The following ABCG8 variants were observed in gnomAD, a reference collection of about 807,000 sequenced individuals.
ABCG8 encodes the protein ATP-binding cassette sub-family G member 8.
Under a neutral mutation model 71.3 loss-of-function variants are expected in ABCG8, and 81 were observed. The ratio of observed to expected loss-of-function variants is 1.14; its 90% CI spans 0.95 to 1.37. The LOEUF is 1.37. ABCG8 is among the 40% of genes most tolerant of loss of function. ABCG8 has a pLI of 0.00. For synonymous variants in ABCG8, 451 were observed against 354.7 expected, an observed-to-expected ratio of 1.27 and a Z score of -3.05; for missense variants, 1,119 against 866.2, an observed-to-expected ratio of 1.29 and a Z score of -3.66.
intron 1 of ABCG8, among the ~76,000 whole-genome samples, chr2:43,840,986 G>T (rs1400281586): frequency 1.3e-5 from 2 of 152,256 alleles, no homozygotes; most frequent in African/African-American, 4.8e-5. Flanking sequence ...GGCACCTGGA[G>T]TGGCAAGTGC....
At position 43,851,569 on chromosome 2, in the gene ABCG8, C is replaced by G. The variant is rs1286191669; in HGVS notation, c.323-15C>G. 6.2e-7 allele frequency: 1 copy of G among 1,614,068 alleles called. No homozygotes were observed. ...AGAAGCTCCGCTCTCAGGGATATCC[C>G]TGGTGGCTTTGCAGGTTGTGGGAGA... On this transcript the variant is annotated splice_polypyrimidine_tract_variant and intron_variant, in intron 3 of 12. Transcript: ENST00000272286.
At chr2:43,840,909 G>A (rs1668564573) in intron 1 of ABCG8, among the ~76,000 whole-genome samples, 1 of 152,146 alleles carries the variant, frequency 6.6e-6, no homozygotes, top group African/African-American at 2.4e-5. Context: ...GGTTGGGCCT[G>A]GGAAGAGGTG....
intron 2 of ABCG8, 148 bp downstream of exon 2, chr2:43,844,756 T>A (rs1427193224): frequency 1.5e-6 from 1 of 662,812 alleles, no homozygotes; most frequent in African/African-American, 1.8e-5. Context: ...ACGTGTCAGG[T>A]GCAATAGGTG....
In ABCG8 at chr2:43,872,219, C is replaced by A. The variant is rs781004722; in HGVS notation, c.1128-4C>A. 6 of 1,614,004 alleles carry A rather than the reference C, an allele frequency of 3.7e-6. No homozygotes were observed. The South Asian group carries it at 6.6e-5, about 18-fold the overall frequency. On this transcript the variant is annotated splice_polypyrimidine_tract_variant and splice_region_variant and intron_variant, in intron 7 of 12. Coordinates refer to ENST00000272286, the MANE Select transcript of ABCG8 (RefSeq NM_022437.3). ...ATGACCTGGCCACATCTTCTGCCTC[C>A]CAGCAGCGTGACCCCACTAGACACC...
chr2:43,842,236 C>A (rs1035484336), intron 1 of ABCG8, among the ~76,000 whole-genome samples: 6 of 152,162 alleles, frequency 3.9e-5, no homozygotes, highest in Non-Finnish European at 7.3e-5. Context: ...TGGTCTTGAA[C>A]TCCTGGCCTC....
chr2:43,875,593 C>T (rs1415896524), intron 11 of ABCG8, among the ~76,000 whole-genome samples, 180 bp downstream of exon 11: 2 of 152,232 alleles, frequency 1.3e-5, no homozygotes, highest in Non-Finnish European at 2.9e-5. Context: ...TTAGAGATTC[C>T]AGATGCACCT....
chr2:43,870,157 C>G (rs1359703449), intron 6 of ABCG8, among the ~76,000 whole-genome samples: 1 of 151,812 alleles, frequency 6.6e-6, no homozygotes, highest in African/African-American at 2.4e-5. Context: ...CACTACCTGT[C>G]TCGATAGAAT....
rs759609173 is a variant in ABCG8, at chr2:43,854,626, C to CAAAAAAAAAA, written c.964+1768_964+1777dup. Among the ~76,000 whole-genome samples, 30 of 74,728 alleles carry CAAAAAAAAAA rather than the reference C, an allele frequency of 4.0e-4. 1 individual carries two copies. The highest frequency in any genetic ancestry group is 1.5e-3 in the African/African-American group (28 of 18,430). The allele number at this position is 74,728 out of a possible 152,430, so 49.0% of individuals were successfully genotyped here. ...TGGGCGATAGAGTGAGACTCCATCTCAAAAAAAAAAAAAAAAAAAGGATAT... is the reference window on the plus strand; with the variant it reads ...TGGGCGATAGAGTGAGACTCCATCTCAAAAAAAAAAAAAAAAAAAAAAAAAAAAAGGATAT... On this transcript the variant is annotated intron_variant, in intron 6 of 12. Coordinates refer to ENST00000272286, the MANE Select transcript of ABCG8 (RefSeq NM_022437.3).
intron 2 of ABCG8, 61 bp downstream of exon 2, chr2:43,844,669 G>T (rs929023747): frequency 1.0e-5 from 14 of 1,394,816 alleles, no homozygotes; most frequent in Non-Finnish European, 1.4e-5. Flanking sequence ...GAAATTCCCC[G>T]GGTGGAAATA....
rs1461141909 is a variant in ABCG8 at position 43,852,336 on chromosome 2, G to A, written c.562-18G>A. ...AGGAGGCCCCTGAGGTGGCCTCAAA[G>A]CTCCTTCTGGCCCACAGGTGGAGGA... On this transcript the variant is annotated intron_variant, in intron 4 of 12. Coordinates refer to ENST00000272286, the MANE Select transcript of ABCG8 (RefSeq NM_022437.3). 1 of 1,612,048 alleles carries A rather than the reference G, an allele frequency of 6.2e-7. No homozygotes were observed. Among genetic ancestry groups the A allele is most frequent in the Admixed American group, 1.7e-5 (1 of 60,022 alleles).
chr2:43,841,736 C>G (rs1027565377), intron 1 of ABCG8, among the ~76,000 whole-genome samples: 3 of 152,176 alleles, frequency 2.0e-5, no homozygotes, highest in Non-Finnish European at 4.4e-5. Context: ...GCTCTGCCTC[C>G]TCTGTCTGCC....
Position 43,875,254 on chromosome 2 carries a change from C to T in ABCG8, c.1597C>T (p.Leu533=). The T allele has an allele frequency of 1.9e-6, 3 of 1,614,260 alleles. No homozygotes were observed. Among genetic ancestry groups the T allele is most frequent in the East Asian group, 2.2e-5 (1 of 44,884 alleles). The change falls in exon 11 of 13, where the codon CTG becomes TTG. Residue 533 remains leucine (L), a synonymous_variant. Transcript: ENST00000272286. ...PGLQPFLLHF[L]LVWLVVFCCR... is the part of the protein sequence containing the mutation. ...CCTCCAGCCCTTCCTGCTGCACTTC[C>T]TGCTGGTGTGGCTGGTGGTCTTCTG...
intron 6 of ABCG8, among the ~76,000 whole-genome samples, chr2:43,859,053 T>C (rs1428827189): frequency 8.6e-5 from 13 of 151,610 alleles, no homozygotes; most frequent in Admixed American, 7.9e-4. Context: ...ACCATCTGGA[T>C]AGAACTCTCA....
chr2:43,859,144 T>G (rs1489933887), intron 6 of ABCG8, among the ~76,000 whole-genome samples: 1 of 151,244 alleles, frequency 6.6e-6, no homozygotes, highest in African/African-American at 2.4e-5. Flanking sequence ...TCACCAAATG[T>G]CTGGATAGAA....
intron 6 of ABCG8, among the ~76,000 whole-genome samples, chr2:43,869,974 G>A (rs1270454146): frequency 6.6e-6 from 1 of 151,902 alleles, no homozygotes; most frequent in Non-Finnish European, 1.5e-5. Context: ...TCACTCTGTG[G>A]ATAGAACTGT....
intron 6 of ABCG8, among the ~76,000 whole-genome samples, chr2:43,855,671 T>C (rs538043642): frequency 6.6e-6 from 1 of 152,140 alleles, no homozygotes; most frequent in Non-Finnish European, 1.5e-5. Context: ...GATAGAACTC[T>C]CACTGTCTGG....
rs147991100 is a variant in ABCG8 at position 43,877,832 on chromosome 2, C to G, written c.1941C>G (p.Val647=). 1.4e-3 allele frequency: 2,253 copies of G among 1,614,036 alleles called. 2 individuals are homozygous for G. The highest frequency in any genetic ancestry group is 1.8e-3 in the Non-Finnish European group (2,108 of 1,180,036). Residue 647 remains valine (V), a synonymous_variant, in exon 13 of 13, where the codon GTC becomes GTG. Transcript: ENST00000272286. ...SYPLYAIYLI[V]IGLSGGFMVL... ...CTCTCTACGCCATCTACCTCATCGT[C>G]ATTGGCCTCAGCGGTGGCTTCATGG...
At position 43,880,675 on chromosome 2, in the gene ABCG8, C is replaced by CGCAT. The variant is rs1670107695; in HGVS notation, c.*2764_*2765insATGC. ...GTGTGTGTGTGTGTGCGCGCGCGCG[C>CGCAT]GCGCATGTGCATACATATACACCTA... On this transcript the variant is annotated 3_prime_UTR_variant, in exon 13 of 13. Transcript: ENST00000272286. 2.0e-5 allele frequency: 3 copies of CGCAT among 151,918 alleles called. No homozygotes were observed. The highest frequency in any genetic ancestry group is 7.3e-5 in the African/African-American group (3 of 41,234). The allele number at this position is 151,918 out of a possible 1,614,324, so 9.4% of individuals were successfully genotyped here.
chr2:43,877,449 C>T (rs998690926), intron 11 of ABCG8, 112 bp from the exon 12 acceptor site: 144 of 1,528,672 alleles, frequency 9.4e-5, no homozygotes, highest in Non-Finnish European at 1.2e-4. Context: ...CAAATATGGG[C>T]AGACCATGGG....
Sources: allele counts gnomAD v4.1 joint callset (sites outside exome capture counted in the v4.1 genomes callset), GRCh38; gene constraint gnomAD v4.1.1; transcripts MANE v1.5; gene names NCBI Gene and HGNC (gene_info 2026-07-23, HGNC 2026-07-21).